QKI: variants seen among roughly 807,000 people sequenced by gnomAD.
QKI encodes QKI, KH domain containing RNA binding.
QKI carries 10 observed loss-of-function variants against 39.0 expected under a neutral mutation model. The observed-to-expected ratio is 0.26, with a 90% CI of 0.16 to 0.43. The LOEUF is 0.43. Among genes scored for constraint, QKI ranks in the 20% least tolerant of loss-of-function variants. QKI has a pLI of 1.00. For missense variants in QKI, 218 were observed against 428.0 expected, an observed-to-expected ratio of 0.51 and a Z score of 4.33; for synonymous variants, 204 against 155.4, an observed-to-expected ratio of 1.31 and a Z score of -2.33.
chr6:163,452,615 T>C (rs758043926), intron 1 of QKI, among the ~76,000 whole-genome samples: 5 of 152,218 alleles, frequency 3.3e-5, no homozygotes, highest in Non-Finnish European at 5.9e-5. Context: ...TTTTGTGTTA[T>C]TAATCAAGGA....
rs1781753428 is a variant in QKI, at chr6:163,544,597, T to C, written c.546+9472T>C. Among the ~76,000 whole-genome samples the C allele has an allele frequency of 2.6e-5, 4 of 152,234 alleles. No homozygotes were observed. In the South Asian group the frequency reaches 8.3e-4, roughly 32 times the overall value. On this transcript the variant is annotated intron_variant, in intron 4 of 7. Transcript: ENST00000361752. ...GTAGTTCTTACATTGGTGGTTTGTATCTGCCCTTCAGAAAAACACCCGAAG... is the reference window on the plus strand; with the variant it reads ...GTAGTTCTTACATTGGTGGTTTGTACCTGCCCTTCAGAAAAACACCCGAAG...
chr6:163,571,858 A>G lies in QKI; in HGVS notation c.*1148A>G, dbSNP rs903109685. On this transcript the variant is annotated 3_prime_UTR_variant, in exon 8 of 8. Transcript: ENST00000361752. ...AAGTATTGGAATAAGTCTAAAGAAA[A>G]GAAAGTGCCTTATTTTCCTTCATGG... The G allele has an allele frequency of 6.6e-6, 1 of 152,172 alleles. No homozygotes were observed. The highest frequency in any genetic ancestry group is 2.4e-5 in the African/African-American group (1 of 41,438). 9.4% of individuals were successfully genotyped at this position (152,172 alleles called of 1,614,324 possible).
intron 1 of QKI, among the ~76,000 whole-genome samples, chr6:163,431,290 A>G (rs1788810503): frequency 1.3e-5 from 2 of 152,328 alleles, no homozygotes; most frequent in South Asian, 4.1e-4. Context: ...ATTCAGTCAA[A>G]TGATTTCAGT....
At chr6:163,437,024 ACT>A (rs1046575358) in intron 1 of QKI, among the ~76,000 whole-genome samples, 1 of 151,826 alleles carries the variant, frequency 6.6e-6, no homozygotes, top group African/African-American at 2.4e-5. Flanking sequence ...AAATAAATCA[ACT>A]CTTTAATTCC....
chr6:163,484,546 A>G (rs543977045), intron 3 of QKI, among the ~76,000 whole-genome samples: 2 of 152,250 alleles, frequency 1.3e-5, no homozygotes, highest in East Asian at 1.9e-4. Flanking sequence ...GGAATGGTCA[A>G]TCAGCATTTG....
chr6:163,453,236 TCTA>T (rs906020195), intron 1 of QKI, among the ~76,000 whole-genome samples: 15 of 152,046 alleles, frequency 9.9e-5, no homozygotes, highest in African/African-American at 3.6e-4. Context: ...GGGTATAAAT[TCTA>T]CTATATCTTA....
chr6:163,432,198 A>G (rs922105796), intron 1 of QKI, among the ~76,000 whole-genome samples: 1 of 152,156 alleles, frequency 6.6e-6, no homozygotes, highest in Non-Finnish European at 1.5e-5. Flanking sequence ...TCCTCCAAAT[A>G]AGAATACAAT....
At chr6:163,570,157 C>G in intron 7 of QKI, 1 of 985,576 alleles carries the variant, frequency 1.0e-6, no homozygotes, top group Non-Finnish European at 1.2e-6. Context: ...CTTGTTTGGC[C>G]CAGAGTTTAT....
At chr6:163,565,072 T>G in intron 6 of QKI, 1 of 1,059,084 alleles carries the variant, frequency 9.4e-7, no homozygotes, top group Non-Finnish European at 1.1e-6. Context: ...ACAAATACAT[T>G]TCATTGTACA....
intron 2 of QKI, among the ~76,000 whole-genome samples, chr6:163,474,787 T>TA (rs35897463): frequency 0.11 from 11,570 of 108,568 alleles, 685 homozygotes; most frequent in African/African-American, 0.15. Flanking sequence ...ACAAAAAAGT[T>TA]AAAAAAAAAA....
rs75447022 is a variant in QKI at position 163,514,368 on chromosome 6, A to T, written c.403-20614A>T. ...AGCTATACATTTGAAAACTGATAAT[A>T]ATTTATTTATCTTAAAGATATGTAT... is the stretch of plus-strand genomic sequence containing the variant. On this transcript the variant is annotated intron_variant, in intron 3 of 7. Transcript: ENST00000361752. Among the ~76,000 whole-genome samples, 793 of 152,268 alleles carry T rather than the reference A, an allele frequency of 5.2e-3. 4 individuals are homozygous for T. Among genetic ancestry groups the T allele is most frequent in the Admixed American group, 9.7e-3 (148 of 15,288 alleles).
At chr6:163,456,027 CTCT>C (rs1178591006) in intron 2 of QKI, among the ~76,000 whole-genome samples, 4 of 152,236 alleles carry the variant, frequency 2.6e-5, no homozygotes, top group African/African-American at 4.8e-5. Context: ...ATGATTTTCC[CTCT>C]TCTTTACCAC....
intron 1 of QKI, among the ~76,000 whole-genome samples, chr6:163,420,989 G>A (rs1562414513): frequency 6.6e-6 from 1 of 152,072 alleles, no homozygotes; most frequent in African/African-American, 2.4e-5. Context: ...CTTCTCAGAT[G>A]TTTGTTGAAT....
chr6:163,489,820 CAT>C (rs1365161359), intron 3 of QKI, among the ~76,000 whole-genome samples: 9 of 152,122 alleles, frequency 5.9e-5, no homozygotes, highest in Non-Finnish European at 8.8e-5. Flanking sequence ...AAGTTAACCA[CAT>C]ATAATTTTTA....
At chr6:163,547,015 T>C (rs1781922481) in intron 4 of QKI, among the ~76,000 whole-genome samples, 1 of 152,006 alleles carries the variant, frequency 6.6e-6, no homozygotes, top group Non-Finnish European at 1.5e-5. Context: ...GCCTTCAAAC[T>C]GACATGGCCT....
chr6:163,495,424 T>C (rs1323578985), intron 3 of QKI, among the ~76,000 whole-genome samples: 1 of 152,148 alleles, frequency 6.6e-6, no homozygotes, highest in Non-Finnish European at 1.5e-5. Flanking sequence ...TGTATGTACA[T>C]ATATAAAATA....
At position 163,432,398 on chromosome 6, in the gene QKI, CT is replaced by C. The variant is rs536271851; in HGVS notation, c.142+17076del. Reference sequence around the variant, plus strand: ...ATATAAATAATTTAAAATCCCCCCCCTTTTTTTTTTTTTAAAGAGATGGGGT... The same window carrying C: ...ATATAAATAATTTAAAATCCCCCCCCTTTTTTTTTTTTAAAGAGATGGGGT... On this transcript the variant is annotated intron_variant, in intron 1 of 7. Coordinates refer to ENST00000361752, the MANE Select transcript of QKI (RefSeq NM_006775.3). 5.6e-3 allele frequency among the ~76,000 whole-genome samples: 809 copies of C among 143,832 alleles called. 8 individuals carry two copies. Among genetic ancestry groups the C allele is most frequent in the African/African-American group, 0.015 (591 of 39,340 alleles). The allele number at this position is 143,832 out of a possible 152,430, so 94.4% of individuals were successfully genotyped here.
At chr6:163,524,132 G>A (rs1780324999) in intron 3 of QKI, among the ~76,000 whole-genome samples, 1 of 152,050 alleles carries the variant, frequency 6.6e-6, no homozygotes, top group African/African-American at 2.4e-5. Flanking sequence ...AAACTGTACC[G>A]GTCGTCCTTT....
chr6:163,460,507 A>G, intron 2 of QKI, among the ~76,000 whole-genome samples: 1 of 151,952 alleles, frequency 6.6e-6, no homozygotes. Context: ...TTTCTGTTTC[A>G]TTTTCCTGGG....
Sources: gnomAD v4.1 joint callset for allele counts (sites outside exome capture counted in the v4.1 genomes callset) on GRCh38, gnomAD v4.1.1 for gene constraint, MANE v1.5 for transcripts, NCBI Gene and HGNC (gene_info 2026-07-23, HGNC 2026-07-21) for gene names.